EDIL3: variants seen among roughly 807,000 people sequenced by gnomAD.
EDIL3 encodes the protein EGF like and discoidin domains 3, also known as EGF-like repeat and discoidin I-like domain-containing protein 3.
EDIL3 carries 37 observed loss-of-function variants against 67.4 expected under a neutral mutation model. The observed-to-expected ratio is 0.55, with a 90% CI of 0.42 to 0.72. The LOEUF is 0.72. EDIL3 is among the 30% of genes least tolerant of loss of function. The pLI, the probability that EDIL3 is intolerant of heterozygous loss-of-function variation, is 0.00. For missense variants in EDIL3, 527 were observed against 586.3 expected (o/e 0.90, Z 1.04); for synonymous variants, 195 against 196.3 (o/e 0.99, Z 0.05).
chr5:84,349,216 C>T (rs1036112421), intron 1 of EDIL3, among the ~76,000 whole-genome samples: 1 of 152,152 alleles, frequency 6.6e-6, no homozygotes, highest in Non-Finnish European at 1.5e-5. Context: ...AACAGTGCAT[C>T]GGATTTTTCC....
chr5:84,017,374 C>A (rs1215454161), intron 9 of EDIL3, among the ~76,000 whole-genome samples: 1 of 152,128 alleles, frequency 6.6e-6, no homozygotes, highest in Non-Finnish European at 1.5e-5. Flanking sequence ...ATTTTAAAGA[C>A]AGTTTCACTT....
At chr5:84,051,001 G>A (rs539880882) in intron 9 of EDIL3, among the ~76,000 whole-genome samples, 42 of 152,276 alleles carry the variant, frequency 2.8e-4, no homozygotes, top group African/African-American at 8.9e-4. Flanking sequence ...ATCTGAGAAC[G>A]GACAGACTGC....
rs1032579690 is a variant in EDIL3 at position 84,384,367 on chromosome 5, C to G, written c.8G>C (p.Arg3Pro). The G allele has an allele frequency of 2.5e-6, 4 of 1,612,600 alleles. No homozygotes were observed. The highest frequency in any genetic ancestry group is 2.7e-5 in the African/African-American group (2 of 74,828). ...GACCAAGAGCCAGACGGCTACCGAG[C>G]GCTTCATGATCCCGTCTCCCGGACG... is the stretch of plus-strand genomic sequence containing the variant. Reference protein sequence around the residue: MKRSVAVWLLVGL... With the variant: MKPSVAVWLLVGL... Residue 3 changes from arginine to proline, a missense_variant, in exon 1 of 11, where the codon CGC becomes CCC. By Grantham distance (103) the Arg-to-Pro change is moderately radical. Around this residue, in one of 2 missense-constraint regions of EDIL3, gnomAD observed 494 missense variants for 522.5 expected, o/e 0.95. Coordinates refer to ENST00000296591, the MANE Select transcript of EDIL3 (RefSeq NM_005711.5).
intron 1 of EDIL3, among the ~76,000 whole-genome samples, chr5:84,338,995 C>T (rs1201008641): frequency 1.3e-5 from 2 of 152,114 alleles, no homozygotes; most frequent in African/African-American, 4.8e-5. Context: ...TTCATCCCTC[C>T]CCTTCCTTCT....
At chr5:84,025,956 C>A (rs1745802419) in intron 9 of EDIL3, among the ~76,000 whole-genome samples, 1 of 152,046 alleles carries the variant, frequency 6.6e-6, no homozygotes, top group Non-Finnish European at 1.5e-5. Context: ...TGAACAATGG[C>A]TCATTGGGTT....
chr5:83,943,263 C>A lies in EDIL3; in HGVS notation c.*156G>T. ...AATCATTGAAAAGGCAGGCTTAGACCCCCTTAAAAACACCGTTAGTTGCCT... is the reference window on the plus strand; with the variant it reads ...AATCATTGAAAAGGCAGGCTTAGACACCCTTAAAAACACCGTTAGTTGCCT... On this transcript the variant is annotated 3_prime_UTR_variant, in exon 11 of 11. Coordinates refer to ENST00000296591, the MANE Select transcript of EDIL3 (RefSeq NM_005711.5). 8.0e-6 allele frequency: 7 copies of A among 871,126 alleles called. No individual in the cohort carries two copies. Among genetic ancestry groups the A allele is most frequent in the South Asian group, 3.6e-5 (2 of 55,352 alleles). The allele number at this position is 871,126 out of a possible 1,614,324, so 54.0% of individuals were successfully genotyped here. A position where few individuals can be genotyped will look rare whatever the true frequency, so the allele number is the denominator to read the frequency against.
At chr5:84,011,044 T>C (rs980316700) in intron 9 of EDIL3, among the ~76,000 whole-genome samples, 10 of 152,210 alleles carry the variant, frequency 6.6e-5, no homozygotes, top group Non-Finnish European at 7.3e-5. Context: ...TAAGGTACCA[T>C]CTATGCTCCA....
At chr5:83,997,262 A>C (rs1745252277) in intron 9 of EDIL3, among the ~76,000 whole-genome samples, 2 of 152,234 alleles carry the variant, frequency 1.3e-5, no homozygotes, top group Non-Finnish European at 2.9e-5. Context: ...TTAACTGCTA[A>C]ATGGAGATCT....
At chr5:84,260,615 T>C (rs1745208613) in intron 1 of EDIL3, among the ~76,000 whole-genome samples, 1 of 152,192 alleles carries the variant, frequency 6.6e-6, no homozygotes, top group African/African-American at 2.4e-5. Flanking sequence ...TGTTGAACTC[T>C]TTCTTACATA....
At chr5:84,005,402 C>T (rs543158677) in intron 9 of EDIL3, among the ~76,000 whole-genome samples, 5 of 152,128 alleles carry the variant, frequency 3.3e-5, no homozygotes, top group East Asian at 3.9e-4. Context: ...ATATCCCTGA[C>T]GAACATAGAT....
At chr5:84,033,704 T>TAAAAAAA (rs71605889) in intron 9 of EDIL3, among the ~76,000 whole-genome samples, 3 of 92,820 alleles carry the variant, frequency 3.2e-5, no homozygotes, top group Non-Finnish European at 4.3e-5. Context: ...ACATTGTCTC[T>TAAAAAAA]AAAAAAAAAA....
At chr5:84,281,657 T>C (rs1745705598) in intron 1 of EDIL3, among the ~76,000 whole-genome samples, 1 of 152,206 alleles carries the variant, frequency 6.6e-6, no homozygotes, top group African/African-American at 2.4e-5. Context: ...GCTTGTTCTC[T>C]TCTGATTATG....
At position 84,204,937 on chromosome 5, in the gene EDIL3, G is replaced by T. The variant is rs116150337; in HGVS notation, c.227-24416C>A. ...CGCTTTTGTGTGTGTTTCTGAGACA[G>T]AGTCTTGCTCTGTTGCCCAGGCTGG... On this transcript the variant is annotated intron_variant, in intron 3 of 10. Coordinates refer to ENST00000296591, the MANE Select transcript of EDIL3 (RefSeq NM_005711.5). Among the ~76,000 whole-genome samples the T allele has an allele frequency of 6.1e-3, 932 of 152,168 alleles. 10 individuals carry two copies. Among genetic ancestry groups the T allele is most frequent in the African/African-American group, 0.021 (887 of 41,504 alleles).
At chr5:83,967,474 T>C (rs867980936) in intron 9 of EDIL3, among the ~76,000 whole-genome samples, 7 of 152,166 alleles carry the variant, frequency 4.6e-5, no homozygotes, top group Non-Finnish European at 5.9e-5. Context: ...ACTCTAAGAA[T>C]GAAAACAAGA....
At chr5:84,095,958 T>C (rs1747255379) in intron 6 of EDIL3, among the ~76,000 whole-genome samples, 1 of 152,124 alleles carries the variant, frequency 6.6e-6, no homozygotes, top group South Asian at 2.1e-4. Flanking sequence ...GACTTGGTAA[T>C]AAATCGTTAC....
intron 4 of EDIL3, among the ~76,000 whole-genome samples, chr5:84,165,008 C>G (rs1165545905): frequency 6.6e-6 from 1 of 151,952 alleles, no homozygotes; most frequent in Non-Finnish European, 1.5e-5. Flanking sequence ...ATTAAGGATC[C>G]TGAAGGACGG....
At chr5:84,031,157 C>G (rs1325443680) in intron 9 of EDIL3, among the ~76,000 whole-genome samples, 1 of 152,088 alleles carries the variant, frequency 6.6e-6, no homozygotes, top group Non-Finnish European at 1.5e-5. Context: ...CCCCAATTAC[C>G]TATTTAAAGA....
In EDIL3 at chr5:83,987,523, C is replaced by A. The variant is rs114817107; in HGVS notation, c.1138-24163G>T. 5.8e-3 allele frequency among the ~76,000 whole-genome samples: 884 copies of A among 152,170 alleles called. 12 individuals are homozygous for A. Among genetic ancestry groups the A allele is most frequent in the African/African-American group, 0.019 (805 of 41,516 alleles). ...AATTTTTCACCAGCAGGAGAAATCTCCTACATCACCTTTTAGGTGTGCTAG... is the reference window on the plus strand; with the variant it reads ...AATTTTTCACCAGCAGGAGAAATCTACTACATCACCTTTTAGGTGTGCTAG... On this transcript the variant is annotated intron_variant, in intron 9 of 10. Coordinates refer to ENST00000296591, the MANE Select transcript of EDIL3 (RefSeq NM_005711.5).
rs929335202 is a variant in EDIL3, at chr5:84,088,088, T to A, written c.651+18561A>T. Among the ~76,000 whole-genome samples the A allele has an allele frequency of 2.0e-5, 3 of 152,170 alleles. No individual in the cohort carries two copies. The East Asian group carries it at 5.8e-4, about 29-fold the overall frequency. On this transcript the variant is annotated intron_variant, in intron 6 of 10. Coordinates refer to ENST00000296591, the MANE Select transcript of EDIL3 (RefSeq NM_005711.5). ...TCTCTGAAATGTCCACAGAATGAAG[T>A]AGAAAACTTCCATATAAGATAATTT...
Sources: gnomAD v4.1 joint callset for allele counts (sites outside exome capture counted in the v4.1 genomes callset) on GRCh38, gnomAD v4.1.1 for gene constraint, gnomAD v4.1.1 regional missense constraint, MANE v1.5 for transcripts, NCBI Gene and HGNC (gene_info 2026-07-23, HGNC 2026-07-21) for gene names.